Variants in CATSPERT observed in about 807,000 individuals in gnomAD.
CATSPERT encodes catsper channel auxiliary subunit tau.
At chr2:201,585,517 AG>A in the CATSPERT span, among the ~76,000 whole-genome samples, 1 of 152,096 alleles carries the variant, frequency 6.6e-6, no homozygotes, top group African/African-American at 2.4e-5. Context: ...TGACCCCAGG[AG>A]GATGATCTGA....
chr2:201,535,312 C>A, the CATSPERT span: 1 of 984,560 alleles, frequency 1.0e-6, no homozygotes, highest in African/African-American at 1.7e-5. Context: ...ATCTTCTGAC[C>A]TATATATCTT....
the CATSPERT span, among the ~76,000 whole-genome samples, chr2:201,516,772 A>C: frequency 7.0e-6 from 1 of 143,046 alleles, no homozygotes; most frequent in Non-Finnish European, 1.5e-5. Context: ...CTACCAGAAC[A>C]CAGACTCACC....
At chr2:201,575,166 G>A in the CATSPERT span, 6 of 811,972 alleles carry the variant, frequency 7.4e-6, no homozygotes, top group Non-Finnish European at 1.1e-5. Context: ...GACTGGTATG[G>A]TAACTAAAAG....
chr2:201,515,201 AGTTTTTTTTTTTTTTTTTTTTTTTTTTTT>A, the CATSPERT span, among the ~76,000 whole-genome samples: 6 of 70,212 alleles, frequency 8.5e-5, 1 homozygote, highest in African/African-American at 1.9e-4. Context: ...ATCTGCCCAT[AGTTTTTTTTTTTTTTTTTTTTTTTTTTTT>A]TTTTTTTTTT....
chr2:201,527,874 A>G, the CATSPERT span, among the ~76,000 whole-genome samples: 1 of 152,134 alleles, frequency 6.6e-6, no homozygotes, highest in African/African-American at 2.4e-5. Context: ...GAAGACTCCA[A>G]AAACAATTGC....
the CATSPERT span, among the ~76,000 whole-genome samples, chr2:201,520,886 G>GAA: frequency 1.1e-3 from 148 of 140,084 alleles, 1 homozygote; most frequent in East Asian, 1.4e-3. Context: ...TCCTGTCTCA[G>GAA]AAAAAAAAAA....
chr2:201,544,413 AT>A, the CATSPERT span, among the ~76,000 whole-genome samples: 1 of 152,322 alleles, frequency 6.6e-6, no homozygotes, highest in East Asian at 1.9e-4. Context: ...TTCTTAGTGA[AT>A]TTAAGAGATT....
chr2:201,544,653 T>C, the CATSPERT span, among the ~76,000 whole-genome samples: 2 of 151,974 alleles, frequency 1.3e-5, no homozygotes, highest in Non-Finnish European at 2.9e-5. Flanking sequence ...TCACAGGTCA[T>C]AGTTAATATT....
the CATSPERT span, among the ~76,000 whole-genome samples, chr2:201,608,516 C>G: frequency 1.3e-5 from 2 of 151,948 alleles, no homozygotes; most frequent in Non-Finnish European, 2.9e-5. Flanking sequence ...TGCACTTCAC[C>G]AATACTACAA....
chr2:201,556,039 A>G, the CATSPERT span: 2 of 152,236 alleles, frequency 1.3e-5, no homozygotes, highest in Non-Finnish European at 2.9e-5. Context: ...TAGGACCTAC[A>G]TACTGTTTTT....
At chr2:201,488,829 A>AT in the CATSPERT span, among the ~76,000 whole-genome samples, 1 of 152,230 alleles carries the variant, frequency 6.6e-6, no homozygotes, top group African/African-American at 2.4e-5. Context: ...AATTCTACCT[A>AT]TTTAACATTT....
At chr2:201,555,353 AAAAATAC>A in the CATSPERT span, 1 of 152,146 alleles carries the variant, frequency 6.6e-6, no homozygotes, top group African/African-American at 2.4e-5. Flanking sequence ...CATCTCTACT[AAAAATAC>A]AAAAATTAGC....
chr2:201,521,862 A>T, the CATSPERT span, among the ~76,000 whole-genome samples: 5 of 152,282 alleles, frequency 3.3e-5, no homozygotes, highest in Non-Finnish European at 7.3e-5. Flanking sequence ...ATGATACATC[A>T]TATAAACAGA....
At chr2:201,505,029 G>GT in the CATSPERT span, among the ~76,000 whole-genome samples, 4 of 152,148 alleles carry the variant, frequency 2.6e-5, no homozygotes, top group African/African-American at 9.7e-5. Context: ...TCCTGCTAGG[G>GT]TAGGGTTACT....
the CATSPERT span, chr2:201,487,940 G>C: frequency 6.7e-7 from 1 of 1,500,130 alleles, no homozygotes; most frequent in Admixed American, 2.2e-5. Flanking sequence ...GGTAAATTAG[G>C]TTTCTTAAAA....
chr2:201,599,093 C>T, the CATSPERT span, among the ~76,000 whole-genome samples: 1 of 152,120 alleles, frequency 6.6e-6, no homozygotes, highest in East Asian at 1.9e-4. Flanking sequence ...TGCCTCCTGA[C>T]CATTCTGATA....
At chr2:201,502,218 G>T in the CATSPERT span, among the ~76,000 whole-genome samples, 1 of 152,132 alleles carries the variant, frequency 6.6e-6, no homozygotes, top group Non-Finnish European at 1.5e-5. Flanking sequence ...AGGTGAACAG[G>T]TTTCATTTTC....
At chr2:201,565,798 G>A in the CATSPERT span, 5 of 1,611,412 alleles carry the variant, frequency 3.1e-6, no homozygotes, top group Admixed American at 5.0e-5. Flanking sequence ...TTGCACAGCT[G>A]GAGTCCCAAC....
At chr2:201,511,162 A>G in the CATSPERT span, among the ~76,000 whole-genome samples, 2 of 152,228 alleles carry the variant, frequency 1.3e-5, no homozygotes, top group Non-Finnish European at 2.9e-5. Context: ...TGGGATGAGT[A>G]CTTTCTAGCG....
Sources: gnomAD v4.1 joint callset for allele counts (sites outside exome capture counted in the v4.1 genomes callset) on GRCh38, gnomAD v4.1.1 for gene constraint, MANE v1.5 for transcripts, NCBI Gene and HGNC (gene_info 2026-07-23, HGNC 2026-07-21) for gene names.